The following GPHN variants were observed in gnomAD, a reference collection of about 807,000 sequenced individuals.
GPHN encodes gephyrin.
In GPHN, 17 loss-of-function variants were observed where a neutral mutation model predicts 95.5. That is an observed-to-expected ratio of 0.18 (90% CI 0.12 to 0.27). The LOEUF (loss-of-function observed/expected upper bound fraction) is 0.27. GPHN is among the 10% of genes least tolerant of loss of function. GPHN has a pLI of 1.00. For missense variants in GPHN, 660 were observed against 978.1 expected, an observed-to-expected ratio of 0.67 and a Z score of 4.34; for synonymous variants, 320 against 322.5, an observed-to-expected ratio of 0.99 and a Z score of 0.08.
the GPHN span, among the ~76,000 whole-genome samples, chr14:67,285,183 T>C: frequency 6.6e-6 from 1 of 152,222 alleles, no homozygotes; most frequent in African/African-American, 2.4e-5. Context: ...AAAAAAGTCA[T>C]GAAGTTGGTT....
At chr14:66,857,748 A>C (rs1390092623) in intron 4 of GPHN, among the ~76,000 whole-genome samples, 3 of 152,166 alleles carry the variant, frequency 2.0e-5, no homozygotes, top group Non-Finnish European at 4.4e-5. Context: ...TGAAGGAGAC[A>C]CTGAAAGGGA....
intron 5 of GPHN, among the ~76,000 whole-genome samples, chr14:66,911,556 T>C (rs1432455906): frequency 6.6e-6 from 1 of 152,022 alleles, no homozygotes; most frequent in Non-Finnish European, 1.5e-5. Flanking sequence ...GTATCAGTGA[T>C]AGTCTATTGC....
At chr14:66,832,567 G>A (rs1030146337) in intron 4 of GPHN, among the ~76,000 whole-genome samples, 1 of 151,966 alleles carries the variant, frequency 6.6e-6, no homozygotes, top group African/African-American at 2.4e-5. Context: ...AATTATTTTT[G>A]TATTGTCCAC....
intron 2 of GPHN, among the ~76,000 whole-genome samples, chr14:66,731,982 G>A (rs2071808118): frequency 6.6e-6 from 1 of 152,346 alleles, no homozygotes; most frequent in East Asian, 1.9e-4. Context: ...TCCATGTGGT[G>A]TTGGGCCTGA....
chr14:67,189,496 C>T, the GPHN span: 2 of 152,112 alleles, frequency 1.3e-5, no homozygotes. Flanking sequence ...AGAGTGGAAA[C>T]GTGCTATTTG....
At chr14:66,705,072 G>T (rs1406315107) in intron 2 of GPHN, among the ~76,000 whole-genome samples, 14 of 152,202 alleles carry the variant, frequency 9.2e-5, no homozygotes, top group Admixed American at 9.2e-4. Context: ...TAGAAGAAAT[G>T]GATAAATTCC....
chr14:66,760,064 A>G (rs182549473), intron 2 of GPHN, among the ~76,000 whole-genome samples: 23 of 152,272 alleles, frequency 1.5e-4, no homozygotes, highest in Non-Finnish European at 3.2e-4. Flanking sequence ...CATCCTCTTT[A>G]TAATGTTTTC....
the GPHN span, chr14:67,729,422 T>C: frequency 1.3e-6 from 2 of 1,571,890 alleles, no homozygotes; most frequent in East Asian, 4.5e-5. Context: ...CCTGTGTGCA[T>C]GGGAGGTGCC....
chr14:67,200,177 T>C, the GPHN span: 4 of 1,156,138 alleles, frequency 3.5e-6, no homozygotes, highest in African/African-American at 1.6e-5. Context: ...CCACATGGTA[T>C]GCGTGGACTT....
At chr14:67,316,384 T>C in the GPHN span, among the ~76,000 whole-genome samples, 2 of 152,192 alleles carry the variant, frequency 1.3e-5, no homozygotes, top group Non-Finnish European at 2.9e-5. Flanking sequence ...CAAGGGAATA[T>C]ACTGAATGGT....
chr14:67,332,727 T>C, the GPHN span: 1 of 1,536,968 alleles, frequency 6.5e-7, no homozygotes, highest in Non-Finnish European at 8.8e-7. Flanking sequence ...ACTCATCCTA[T>C]ATTATTTGGT....
the GPHN span, among the ~76,000 whole-genome samples, chr14:67,205,459 A>C: frequency 1.3e-5 from 2 of 152,206 alleles, no homozygotes; most frequent in Non-Finnish European, 2.9e-5. Flanking sequence ...GGATATTAAT[A>C]CAATGTAAGG....
At chr14:67,508,696 T>C in the GPHN span, among the ~76,000 whole-genome samples, 582 of 138,724 alleles carry the variant, frequency 4.2e-3, 1 homozygote, top group Non-Finnish European at 6.2e-3. Flanking sequence ...AGAGGCTTCA[T>C]TGAGCTGGGA....
At chr14:66,632,809 G>A (rs185168949) in intron 1 of GPHN, among the ~76,000 whole-genome samples, 35 of 152,120 alleles carry the variant, frequency 2.3e-4, no homozygotes, top group Admixed American at 1.0e-3. Context: ...TACATTCTGC[G>A]TATTCCAGTC....
chr14:66,659,574 T>C (rs1223230352), intron 1 of GPHN, among the ~76,000 whole-genome samples: 1 of 152,136 alleles, frequency 6.6e-6, no homozygotes, highest in Non-Finnish European at 1.5e-5. Flanking sequence ...GGTATATCAG[T>C]TTTGCATCAC....
chr14:67,334,187 A>G, the GPHN span: 7 of 152,568 alleles, frequency 4.6e-5, no homozygotes, highest in Non-Finnish European at 8.8e-5. Flanking sequence ...TTTTAACCTA[A>G]CAAGGTCTGC....
intron 5 of GPHN, among the ~76,000 whole-genome samples, chr14:66,880,628 GTGT>G (rs1299614548): frequency 3.3e-5 from 5 of 151,802 alleles, no homozygotes; most frequent in Non-Finnish European, 7.4e-5. Flanking sequence ...CTATGTTGAT[GTGT>G]TGTTGTGAAA....
At chr14:67,313,282 C>A in the GPHN span, among the ~76,000 whole-genome samples, 1 of 152,172 alleles carries the variant, frequency 6.6e-6, no homozygotes, top group East Asian at 1.9e-4. Context: ...AAAGTACAGT[C>A]ATGCATCACT....
At chr14:67,445,577 C>CTTTTTTTTTTTTTTTTTTT in the GPHN span, among the ~76,000 whole-genome samples, 31 of 59,936 alleles carry the variant, frequency 5.2e-4, 1 homozygote, top group African/African-American at 1.8e-3. Flanking sequence ...AGAGGCAATT[C>CTTTTTTTTTTTTTTTTTTT]TTTTTTTTTT....
Sources: allele counts gnomAD v4.1 joint callset (sites outside exome capture counted in the v4.1 genomes callset), GRCh38; gene constraint gnomAD v4.1.1; transcripts MANE v1.5; gene names NCBI Gene and HGNC (gene_info 2026-07-23, HGNC 2026-07-21).